AKAP13: variants seen among roughly 807,000 people sequenced by gnomAD.
AKAP13 encodes A-kinase anchor protein 13.
In AKAP13, 80 loss-of-function variants were observed where a neutral mutation model predicts 264.5. The ratio of observed to expected loss-of-function variants is 0.30; its 90% CI spans 0.25 to 0.36. The LOEUF (loss-of-function observed/expected upper bound fraction) is 0.36. Among genes scored for constraint, AKAP13 ranks in the 10% least tolerant of loss-of-function variants. The pLI is 1.00. For missense variants in AKAP13, 3,712 were observed against 3,435.2 expected (o/e 1.08, Z -2.01); for synonymous variants, 1,380 against 1,250.2 (o/e 1.10, Z -2.19).
At chr15:85,394,871 A>G (rs2071038040) in intron 1 of AKAP13, among the ~76,000 whole-genome samples, 1 of 152,226 alleles carries the variant, frequency 6.6e-6, no homozygotes, top group Non-Finnish European at 1.5e-5. Flanking sequence ...ATGAAATGGG[A>G]CAGAGGTTAT....
chr15:85,424,729 A>T (rs1441920549), intron 1 of AKAP13, among the ~76,000 whole-genome samples: 2 of 152,192 alleles, frequency 1.3e-5, no homozygotes, highest in African/African-American at 4.8e-5. Flanking sequence ...TCAGCTTTTG[A>T]CATGCCTTCC....
chr15:85,390,957 A>G (rs1739759737), intron 1 of AKAP13, among the ~76,000 whole-genome samples: 1 of 152,178 alleles, frequency 6.6e-6, no homozygotes, highest in Admixed American at 6.5e-5. Flanking sequence ...GCATTTGGAT[A>G]TACAGTTCTG....
chr15:85,527,259 G>C (rs543160537), intron 3 of AKAP13, among the ~76,000 whole-genome samples: 6 of 152,086 alleles, frequency 3.9e-5, no homozygotes, highest in Non-Finnish European at 8.8e-5. Context: ...CACCGCACCC[G>C]GCCCTGTTGT....
intron 2 of AKAP13, among the ~76,000 whole-genome samples, chr15:85,517,268 C>G (rs184814980): frequency 6.6e-6 from 1 of 152,288 alleles, no homozygotes; most frequent in East Asian, 1.9e-4. Flanking sequence ...CTTCCCTGTT[C>G]AAAGCCCATT....
intron 10 of AKAP13, among the ~76,000 whole-genome samples, chr15:85,652,722 C>G (rs1026182540): frequency 7.0e-4 from 107 of 152,140 alleles, no homozygotes; most frequent in Admixed American, 3.3e-4. Context: ...TCTGTAGGCT[C>G]TGAGAGAAAA....
At chr15:85,383,558 A>G (rs914990014) in intron 1 of AKAP13, among the ~76,000 whole-genome samples, 5 of 152,254 alleles carry the variant, frequency 3.3e-5, no homozygotes, top group African/African-American at 1.2e-4. Context: ...TATTTCTTTC[A>G]TAAAGAAGGG....
rs1215523727 is a variant in AKAP13 at position 85,578,961 on chromosome 15, T to G, written c.893T>G (p.Met298Arg). ...AACCTCAAGCAGATGGACAGTCTTA[T>G]GCCCTTAATGATGACAGCACAGGAT... ...KTNLKQMDSL[M>R]PLMMTAQDPS... is the part of the protein sequence containing the mutation. The change falls in exon 7 of 37, where the codon ATG becomes AGG. Residue 298 changes from methionine to arginine, a missense_variant. Transcript: ENST00000394518. 9 of 1,614,074 alleles carry G rather than the reference T, an allele frequency of 5.6e-6. No individual in the cohort carries two copies. The highest frequency in any genetic ancestry group is 7.6e-6 in the Non-Finnish European group (9 of 1,180,014).
rs544239085 is a variant in AKAP13, at chr15:85,408,582, G to A, written c.-12+27784G>A. Among the ~76,000 whole-genome samples, 4 of 151,884 alleles carry A rather than the reference G, an allele frequency of 2.6e-5. 1 individual carries two copies. Among genetic ancestry groups the A allele is most frequent in the African/African-American group, 4.9e-5 (2 of 41,166 alleles). ...ATGTAAATGATACCACACAGTCTGC[G>A]TTCTTGTGACTGGCTTACTTCACTT... is the stretch of plus-strand genomic sequence containing the variant. On this transcript the variant is annotated intron_variant, in intron 1 of 36. Transcript: ENST00000394518.
chr15:85,510,866 T>C lies in AKAP13; in HGVS notation c.34-10562T>C, dbSNP rs2076393143. On this transcript the variant is annotated intron_variant, in intron 2 of 36. Transcript: ENST00000394518. ...ACATTTGAAATGGGAAACAAGTATTTTAAGTTTTGGCTGCAGAGTGCTCAC... is the reference window on the plus strand; with the variant it reads ...ACATTTGAAATGGGAAACAAGTATTCTAAGTTTTGGCTGCAGAGTGCTCAC... Among the ~76,000 whole-genome samples, 2 of 152,178 alleles carry C rather than the reference T, an allele frequency of 1.3e-5. 1 individual carries two copies. Among genetic ancestry groups the C allele is most frequent in the Admixed American group, 1.3e-4 (2 of 15,282 alleles).
Position 85,685,478 on chromosome 15 carries a change from G to GTGTGTGTGTC in AKAP13, c.5289+614_5289+615insCTGTGTGTGT, listed in dbSNP as rs2084852532. 2.7e-5 allele frequency: 4 copies of GTGTGTGTGTC among 149,058 alleles called. No homozygotes were observed. In the Admixed American group the frequency reaches 2.7e-4, roughly 10 times the overall value. The allele number at this position is 149,058 out of a possible 1,614,324, so 9.2% of individuals were successfully genotyped here. The stretch of plus-strand genomic sequence containing the variant: ...GTTTAAACCGTGTGTGTGTGTGTGT[G>GTGTGTGTGTC]TGTGTGTGTGTCTGTGTGTGTGTGT... On this transcript the variant is annotated intron_variant, in intron 16 of 36. Coordinates refer to ENST00000394518, the MANE Select transcript of AKAP13 (RefSeq NM_007200.5).
intron 1 of AKAP13, among the ~76,000 whole-genome samples, chr15:85,484,790 G>T (rs770555044): frequency 2.6e-5 from 4 of 152,184 alleles, no homozygotes; most frequent in Non-Finnish European, 4.4e-5. Flanking sequence ...AGGCTTTTGT[G>T]ATTTGTTAGA....
chr15:85,566,645 T>A lies in AKAP13; in HGVS notation c.663-8486T>A, dbSNP rs529394463. 8.0e-5 allele frequency among the ~76,000 whole-genome samples: 12 copies of A among 150,306 alleles called. No individual in the cohort carries two copies. In the East Asian group the frequency reaches 1.8e-3, roughly 22 times the overall value. On this transcript the variant is annotated intron_variant, in intron 5 of 36. Coordinates refer to ENST00000394518, the MANE Select transcript of AKAP13 (RefSeq NM_007200.5). ...AACTTACTTTTTTTTTTTTTTTTTTTAAATGGAGTCTCGCTCTGTTGCCCA... is the reference window on the plus strand; with the variant it reads ...AACTTACTTTTTTTTTTTTTTTTTTAAAATGGAGTCTCGCTCTGTTGCCCA...
chr15:85,468,119 A>G (rs6497187), intron 1 of AKAP13, among the ~76,000 whole-genome samples: 82,179 of 152,050 alleles, frequency 0.54, 22,907 homozygotes, highest in Admixed American at 0.64. Context: ...AAGCATTCTT[A>G]TATTTCTCAG....
chr15:85,542,802 G>A (rs531366971), intron 4 of AKAP13, among the ~76,000 whole-genome samples: 20 of 152,322 alleles, frequency 1.3e-4, no homozygotes, highest in African/African-American at 4.1e-4. Context: ...GAAGAGAGCC[G>A]GGAAACAGAG....
In AKAP13 at chr15:85,715,969, C is replaced by T. The variant is rs766027252; in HGVS notation, c.5735+46C>T. On this transcript the variant is annotated intron_variant, in intron 20 of 36. Transcript: ENST00000394518. Reference sequence around the variant, plus strand: ...ATAGCACAGTTGGCATCTAGGTGACCAGAGCATAATAATCACATCATATGA... The same window carrying T: ...ATAGCACAGTTGGCATCTAGGTGACTAGAGCATAATAATCACATCATATGA... 3.2e-6 allele frequency: 5 copies of T among 1,578,992 alleles called. No individual in the cohort carries two copies. The South Asian group carries it at 3.5e-5, about 11-fold the overall frequency.
chr15:85,538,578 C>T (rs1218042580), intron 4 of AKAP13, among the ~76,000 whole-genome samples: 2 of 150,936 alleles, frequency 1.3e-5, no homozygotes, highest in Admixed American at 6.6e-5. Context: ...CAAGCTCCGC[C>T]TCCCAGGTTC....
Position 85,727,264 on chromosome 15 carries a change from G to C in AKAP13, c.7004+17G>C, listed in dbSNP as rs750997222. 4.3e-6 allele frequency: 7 copies of C among 1,613,882 alleles called. No homozygotes were observed. The highest frequency in any genetic ancestry group is 1.7e-5 in the Admixed American group (1 of 60,006). On this transcript the variant is annotated intron_variant, in intron 28 of 36. Coordinates refer to ENST00000394518, the MANE Select transcript of AKAP13 (RefSeq NM_007200.5). The surrounding 1 kb of genome is among the most constrained non-coding windows in gnomAD (Gnocchi z 5.3). ...CAACACCCTGTAAGTTAACCACCAG[G>C]CCCCACCCTTCCCAGCCCTCCTGAT...
chr15:85,710,648 A>AAGT lies in AKAP13; in HGVS notation c.5599+6_5599+8dup, dbSNP rs1187136034. 1 of 1,613,538 alleles carries AAGT rather than the reference A, an allele frequency of 6.2e-7. No individual in the cohort carries two copies. Among genetic ancestry groups the AAGT allele is most frequent in the Admixed American group, 1.7e-5 (1 of 59,878 alleles). On this transcript the variant is annotated splice_donor_region_variant and intron_variant, in intron 19 of 36. Coordinates refer to ENST00000394518, the MANE Select transcript of AKAP13 (RefSeq NM_007200.5). The stretch of plus-strand genomic sequence containing the variant: ...CACGGTCATTATGAGAAACAAGCGT[A>AAGT]AGTAGCTCAGCCCACCTCTCAATTC...
chr15:85,510,579 A>G (rs976229449), intron 2 of AKAP13, among the ~76,000 whole-genome samples: 5 of 152,182 alleles, frequency 3.3e-5, no homozygotes, highest in African/African-American at 1.2e-4. Flanking sequence ...TGGCAGTTCT[A>G]TATGTATATT....
Sources: gnomAD v4.1 joint callset for allele counts (sites outside exome capture counted in the v4.1 genomes callset) on GRCh38, gnomAD v4.1.1 for gene constraint, Gnocchi (gnomAD v3.1) non-coding constraint, MANE v1.5 for transcripts, NCBI Gene and HGNC (gene_info 2026-07-23, HGNC 2026-07-21) for gene names.